ZFAND3: variants seen among roughly 807,000 people sequenced by gnomAD.
ZFAND3 encodes the protein AN1-type zinc finger protein 3.
Under a neutral mutation model 29.6 loss-of-function variants are expected in ZFAND3, and 10 were observed. The ratio of observed to expected loss-of-function variants is 0.34; its 90% CI spans 0.21 to 0.57. ZFAND3 has a LOEUF of 0.57. ZFAND3 is among the 20% of genes least tolerant of loss of function. The probability of loss-of-function intolerance (pLI) is 0.86; values close to 1 mark genes in which losing one functional copy is unlikely to be tolerated. For missense variants in ZFAND3, 230 were observed against 304.5 expected, an observed-to-expected ratio of 0.76 and a Z score of 1.82; for synonymous variants, 128 against 112.6, an observed-to-expected ratio of 1.14 and a Z score of -0.87.
At position 37,843,091 on chromosome 6, in the gene ZFAND3, C is replaced by G. The variant is rs148419217; in HGVS notation, c.71+23075C>G. Among the ~76,000 whole-genome samples the G allele has an allele frequency of 4.5e-3, 664 of 146,362 alleles. 2 individuals carry two copies. Among genetic ancestry groups the G allele is most frequent in the African/African-American group, 0.015 (602 of 39,440 alleles). On this transcript the variant is annotated intron_variant, in intron 1 of 5. Transcript: ENST00000287218. ...GAGCTGAGATTGTGCCACTGCACTC[C>G]AGCCTGAGCAACAGAGTGAAACTGT...
Position 38,112,230 on chromosome 6 carries a change from C to T in ZFAND3, c.362-4342C>T, listed in dbSNP as rs75246855. Reference sequence around the variant, plus strand: ...GAGTTGTGAACGTGGAATGGGGGAGCGGCAGCTCTGTGTGGGTATATCTAC... The same window carrying T: ...GAGTTGTGAACGTGGAATGGGGGAGTGGCAGCTCTGTGTGGGTATATCTAC... On this transcript the variant is annotated intron_variant, in intron 4 of 5. Transcript: ENST00000287218. Among the ~76,000 whole-genome samples, 2,527 of 152,218 alleles carry T rather than the reference C, an allele frequency of 0.017. 253 individuals carry two copies. In the East Asian group the frequency reaches 0.28, roughly 17 times the overall value.
In ZFAND3 at chr6:37,867,095, G is replaced by T. The variant is rs192112897; in HGVS notation, c.71+47079G>T. Among the ~76,000 whole-genome samples, 328 of 152,276 alleles carry T rather than the reference G, an allele frequency of 2.2e-3. 1 individual carries two copies. Among genetic ancestry groups the T allele is most frequent in the African/African-American group, 7.6e-3 (316 of 41,556 alleles). On this transcript the variant is annotated intron_variant, in intron 1 of 5. Transcript: ENST00000287218. ...GCATAGTAATGATTGGCCTATAGGC[G>T]GTTGAGTGGCAAAGCTAGTTTAAAG...
chr6:37,868,514 C>T (rs1001652596), intron 1 of ZFAND3, among the ~76,000 whole-genome samples: 7 of 152,104 alleles, frequency 4.6e-5, no homozygotes, highest in East Asian at 1.9e-4. Flanking sequence ...GTGACTGTAG[C>T]GCGGGGCTGG....
chr6:38,083,154 A>G (rs1242741753), intron 4 of ZFAND3, among the ~76,000 whole-genome samples: 1 of 152,188 alleles, frequency 6.6e-6, no homozygotes, highest in Non-Finnish European at 1.5e-5. Flanking sequence ...AAGGTCACAG[A>G]GTATTTTTCA....
chr6:37,997,833 A>G (rs1762877607), intron 2 of ZFAND3, among the ~76,000 whole-genome samples: 1 of 152,222 alleles, frequency 6.6e-6, no homozygotes, highest in African/African-American at 2.4e-5. Context: ...CACATGTGCA[A>G]TTAAAATTGT....
In ZFAND3 at chr6:38,100,871, T is replaced by C. The variant is rs550393531; in HGVS notation, c.362-15701T>C. Among the ~76,000 whole-genome samples, 71 of 152,368 alleles carry C rather than the reference T, an allele frequency of 4.7e-4. 1 individual carries two copies. The highest frequency in any genetic ancestry group is 9.6e-4 in the Non-Finnish European group (65 of 68,030). On this transcript the variant is annotated intron_variant, in intron 4 of 5. Transcript: ENST00000287218. ...ATCTCTCGCCCTCTTTGTGTCTGTC[T>C]GTATACATGTATGCATGTGTATTAT...
At chr6:38,127,167 C>G (rs1470856595) in intron 5 of ZFAND3, among the ~76,000 whole-genome samples, 1 of 152,104 alleles carries the variant, frequency 6.6e-6, no homozygotes, top group African/African-American at 2.4e-5. Context: ...TTTCCTTGAT[C>G]TTAGGTAGAA....
intron 3 of ZFAND3, among the ~76,000 whole-genome samples, chr6:38,067,568 C>T (rs1764371052): frequency 6.6e-6 from 1 of 152,196 alleles, no homozygotes; most frequent in South Asian, 2.1e-4. Context: ...AAGAATAAAA[C>T]ATTTCTTTCT....
chr6:38,060,787 T>A (rs868065430), intron 2 of ZFAND3, among the ~76,000 whole-genome samples: 42 of 152,156 alleles, frequency 2.8e-4, no homozygotes, highest in African/African-American at 9.4e-4. Context: ...ACATTTTTTT[T>A]TATATACGAT....
chr6:37,853,105 A>G (rs2127380023), intron 1 of ZFAND3, among the ~76,000 whole-genome samples: 1 of 152,250 alleles, frequency 6.6e-6, no homozygotes, highest in Non-Finnish European at 1.5e-5. Context: ...TTCATTTTAT[A>G]TGGTCGGATG....
At chr6:38,006,069 T>C (rs1763043274) in intron 2 of ZFAND3, among the ~76,000 whole-genome samples, 1 of 152,242 alleles carries the variant, frequency 6.6e-6, no homozygotes, top group African/African-American at 2.4e-5. Context: ...GAGACTTACA[T>C]TGAAGATGTA....
chr6:38,009,400 A>C (rs1258198934), intron 2 of ZFAND3, among the ~76,000 whole-genome samples: 1 of 152,194 alleles, frequency 6.6e-6, no homozygotes, highest in Non-Finnish European at 1.5e-5. Flanking sequence ...AAGTTCCAAA[A>C]TACTGCTGAA....
intron 2 of ZFAND3, among the ~76,000 whole-genome samples, chr6:38,028,659 C>T (rs1283378904): frequency 6.6e-6 from 1 of 152,158 alleles, no homozygotes; most frequent in Non-Finnish European, 1.5e-5. Flanking sequence ...ATCCACTTAA[C>T]TCTCCTTTGC....
At chr6:37,841,133 C>T (rs898754879) in intron 1 of ZFAND3, among the ~76,000 whole-genome samples, 1 of 152,118 alleles carries the variant, frequency 6.6e-6, no homozygotes, top group Non-Finnish European at 1.5e-5. Flanking sequence ...GTAAATATTT[C>T]ACTTTAGTTA....
At chr6:38,133,437 T>A (rs1199941388) in intron 5 of ZFAND3, among the ~76,000 whole-genome samples, 2 of 152,138 alleles carry the variant, frequency 1.3e-5, no homozygotes, top group Admixed American at 1.3e-4. Context: ...TTGAGTTATA[T>A]CATTTGACTC....
intron 2 of ZFAND3, among the ~76,000 whole-genome samples, chr6:38,040,178 G>A (rs1186030641): frequency 6.6e-6 from 1 of 151,966 alleles, no homozygotes; most frequent in African/African-American, 2.4e-5. Context: ...AGGACCTTCT[G>A]GTTGTTAACA....
intron 1 of ZFAND3, among the ~76,000 whole-genome samples, chr6:37,910,531 A>T (rs1437772089): frequency 6.6e-6 from 1 of 152,128 alleles, no homozygotes; most frequent in African/African-American, 2.4e-5. Context: ...TGGTGTTTTG[A>T]TATATGTATA....
At chr6:38,043,476 T>C (rs1763834208) in intron 2 of ZFAND3, among the ~76,000 whole-genome samples, 3 of 149,156 alleles carry the variant, frequency 2.0e-5, no homozygotes, top group Admixed American at 2.0e-4. Context: ...TCCACCTTTT[T>C]CTTTTAGCTT....
Position 38,109,044 on chromosome 6 carries a change from A to G in ZFAND3, c.362-7528A>G, listed in dbSNP as rs77941165. Among the ~76,000 whole-genome samples the G allele has an allele frequency of 5.0e-3, 755 of 152,188 alleles. 15 individuals are homozygous for G. The highest frequency in any genetic ancestry group is 0.027 in the East Asian group (138 of 5,186). On this transcript the variant is annotated intron_variant, in intron 4 of 5. Coordinates refer to ENST00000287218, the MANE Select transcript of ZFAND3 (RefSeq NM_021943.3). ...AACAAACCAAGGGTGTCCTCTCTCA[A>G]CACTCGTATTCAGCATCATACCAGA...
Sources: allele counts gnomAD v4.1 joint callset (sites outside exome capture counted in the v4.1 genomes callset), GRCh38; gene constraint gnomAD v4.1.1; transcripts MANE v1.5; gene names NCBI Gene and HGNC (gene_info 2026-07-23, HGNC 2026-07-21).